STAG1: variants seen among roughly 807,000 people sequenced by gnomAD.
The protein encoded by STAG1 is cohesin subunit SA-1.
In STAG1, 26 loss-of-function variants were observed where a neutral mutation model predicts 170.9. The observed-to-expected ratio is 0.15, with a 90% confidence interval of 0.11 to 0.21. The LOEUF (loss-of-function observed/expected upper bound fraction) is 0.21. Among genes scored for constraint, STAG1 ranks in the 10% least tolerant of loss-of-function variants. The probability of loss-of-function intolerance (pLI) is 1.00; values close to 1 mark genes in which losing one functional copy is unlikely to be tolerated. For synonymous variants in STAG1, 514 were observed against 497.7 expected, an observed-to-expected ratio of 1.03 and a Z score of -0.44; for missense variants, 964 against 1,509.5, an observed-to-expected ratio of 0.64 and a Z score of 5.99.
intron 7 of STAG1, among the ~76,000 whole-genome samples, chr3:136,515,764 A>C (rs1039221014): frequency 2.0e-5 from 3 of 152,204 alleles, no homozygotes; most frequent in South Asian, 4.1e-4. Context: ...AGATTCAAAA[A>C]AGTAATTACA....
intron 22 of STAG1, among the ~76,000 whole-genome samples, chr3:136,384,335 A>C (rs1046366720): frequency 1.3e-5 from 2 of 151,830 alleles, no homozygotes; most frequent in Non-Finnish European, 2.9e-5. Context: ...CTGTAGTCCT[A>C]GCTACTCCAG....
chr3:136,551,750 C>T (rs758991965), intron 5 of STAG1, among the ~76,000 whole-genome samples: 1 of 151,934 alleles, frequency 6.6e-6, no homozygotes, highest in East Asian at 1.9e-4. Flanking sequence ...ACTACAGGCA[C>T]ACACCTGGCT....
At chr3:136,484,907 GTGAGGCAAT>G (rs1392049340) in intron 9 of STAG1, among the ~76,000 whole-genome samples, 1 of 152,002 alleles carries the variant, frequency 6.6e-6, no homozygotes, top group Non-Finnish European at 1.5e-5. Context: ...CGCTTCCCAG[GTGAGGCAAT>G]GCCTCGCCCT....
At chr3:136,634,488 T>A (rs970052726) in intron 1 of STAG1, among the ~76,000 whole-genome samples, 13 of 151,502 alleles carry the variant, frequency 8.6e-5, no homozygotes, top group South Asian at 2.1e-4. Context: ...AATTTTTTTT[T>A]AAAAACCAGA....
chr3:136,733,361 C>T (rs1162699087), intron 1 of STAG1, among the ~76,000 whole-genome samples: 1 of 152,170 alleles, frequency 6.6e-6, no homozygotes, highest in Non-Finnish European at 1.5e-5. Flanking sequence ...GCTGGGATTA[C>T]AGGCATGAGC....
chr3:136,698,490 CAACA>C (rs60713535), intron 1 of STAG1, among the ~76,000 whole-genome samples: 52,544 of 151,644 alleles, frequency 0.35, 10,168 homozygotes, highest in African/African-American at 0.52. Flanking sequence ...GTCAAAAAAC[CAACA>C]AACAGAGGAG....
chr3:136,386,981 C>G (rs938929148), intron 22 of STAG1, among the ~76,000 whole-genome samples: 1 of 152,072 alleles, frequency 6.6e-6, no homozygotes, highest in Non-Finnish European at 1.5e-5. Context: ...TAAAAATTCT[C>G]AGAATACAAA....
chr3:136,568,533 T>A (rs1386322245), intron 5 of STAG1, among the ~76,000 whole-genome samples: 1 of 152,078 alleles, frequency 6.6e-6, no homozygotes, highest in Non-Finnish European at 1.5e-5. Context: ...TCAGATTTCC[T>A]CCCAAAATTT....
chr3:136,390,963 T>C (rs1028668213), intron 22 of STAG1, among the ~76,000 whole-genome samples: 32 of 152,350 alleles, frequency 2.1e-4, no homozygotes, highest in African/African-American at 7.5e-4. Flanking sequence ...CTCATGGGGC[T>C]TGGCCACTAT....
At chr3:136,681,777 G>A (rs1455927236) in intron 1 of STAG1, among the ~76,000 whole-genome samples, 1 of 152,012 alleles carries the variant, frequency 6.6e-6, no homozygotes, top group Non-Finnish European at 1.5e-5. Flanking sequence ...AAGGGAGGGA[G>A]TCACATGATC....
At chr3:136,485,369 A>G (rs2089986479) in intron 9 of STAG1, among the ~76,000 whole-genome samples, 1 of 152,098 alleles carries the variant, frequency 6.6e-6, no homozygotes, top group Non-Finnish European at 1.5e-5. Context: ...AGGCAGGAGA[A>G]TCGTTTGAAC....
intron 13 of STAG1, among the ~76,000 whole-genome samples, chr3:136,458,358 T>C (rs867575061): frequency 2.6e-5 from 4 of 152,206 alleles, no homozygotes; most frequent in Non-Finnish European, 1.5e-5. Flanking sequence ...GCTTTCATCA[T>C]GTTGGCCAGG....
At chr3:136,615,534 T>C (rs918204517) in intron 3 of STAG1, among the ~76,000 whole-genome samples, 2 of 150,600 alleles carry the variant, frequency 1.3e-5, no homozygotes, top group African/African-American at 4.9e-5. Flanking sequence ...ATCCCAGCAC[T>C]TTGGGAGGCC....
At chr3:136,617,849 CT>C (rs1939667538) in intron 3 of STAG1, among the ~76,000 whole-genome samples, 1 of 151,930 alleles carries the variant, frequency 6.6e-6, no homozygotes, top group Non-Finnish European at 1.5e-5. Context: ...GAAAAAAAAA[CT>C]TTGGAATTTG....
intron 6 of STAG1, among the ~76,000 whole-genome samples, chr3:136,525,819 C>G (rs1002732644): frequency 3.3e-5 from 5 of 152,106 alleles, no homozygotes; most frequent in African/African-American, 9.7e-5. Flanking sequence ...TGGTTTCAAA[C>G]AACATCTTTA....
intron 32 of STAG1, among the ~76,000 whole-genome samples, chr3:136,338,951 C>T (rs532788143): frequency 1.1e-4 from 17 of 152,274 alleles, no homozygotes; most frequent in African/African-American, 3.8e-4. Flanking sequence ...CAAAATGTTA[C>T]GGGCTGAATT....
chr3:136,484,389 C>T (rs1017974719), intron 9 of STAG1, among the ~76,000 whole-genome samples: 5 of 148,164 alleles, frequency 3.4e-5, no homozygotes, highest in Non-Finnish European at 6.0e-5. Flanking sequence ...TTAGGCTGCT[C>T]GGGGGTCAGG....
intron 3 of STAG1, among the ~76,000 whole-genome samples, chr3:136,611,851 T>TG (rs1196905652): frequency 7.0e-6 from 1 of 143,490 alleles, no homozygotes; most frequent in East Asian, 2.0e-4. Flanking sequence ...ATGTGTGGAA[T>TG]TTTTTTTTTT....
chr3:136,496,461 T>A (rs539245703), intron 9 of STAG1, among the ~76,000 whole-genome samples: 9 of 152,314 alleles, frequency 5.9e-5, no homozygotes, highest in Admixed American at 1.3e-4. Context: ...GTTCTTTGAC[T>A]ACATTGAAAT....
Sources: gnomAD v4.1 joint callset for allele counts (sites outside exome capture counted in the v4.1 genomes callset) on GRCh38, gnomAD v4.1.1 for gene constraint, MANE v1.5 for transcripts, NCBI Gene and HGNC (gene_info 2026-07-23, HGNC 2026-07-21) for gene names.